Variants in ZNF821 observed in about 807,000 individuals in gnomAD.
ZNF821 encodes zinc finger protein 821.
ZNF821 carries 16 observed loss-of-function variants against 44.3 expected under a neutral mutation model. That is an observed-to-expected ratio of 0.36 (90% CI 0.24 to 0.55). The LOEUF (loss-of-function observed/expected upper bound fraction) is 0.55. Ranked by LOEUF, ZNF821 falls within the 20% of genes least tolerant of loss-of-function variation. The pLI is 0.86. For missense variants in ZNF821, 436 were observed against 547.6 expected (o/e 0.80, Z 2.03); for synonymous variants, 204 against 197.6 (o/e 1.03, Z -0.27).
In ZNF821 at chr16:71,860,036, G is replaced by A; in HGVS notation, c.1221C>T (p.Asn407=). ...GTGTGGTTCAGTGCAGAGAGCTGCT[G>A]TTCTGCTCTTCAAAGGCCATCTTGC... ...LLGKMAFEEQ[N]SSSLH Residue 407 remains asparagine (N), a synonymous_variant, in exon 8 of 8, where the codon AAC becomes AAT. Transcript: ENST00000425432. The surrounding 1 kb of genome is among the most constrained non-coding windows in gnomAD (Gnocchi z 7.3). 6.2e-7 allele frequency: 1 copy of A among 1,609,286 alleles called. No individual in the cohort carries two copies. The highest frequency in any genetic ancestry group is 8.5e-7 in the Non-Finnish European group (1 of 1,177,900).
At chr16:71,886,889 G>GACATT (rs2036859321), upstream of ZNF821, among the ~76,000 whole-genome samples, 1 of 152,156 alleles carries the variant, frequency 6.6e-6, no homozygotes. Context: ...GCCTATTCTG[G>GACATT]ACATTTCATA....
At chr16:71,876,273 G>A (rs576077020) in intron 3 of ZNF821, among the ~76,000 whole-genome samples, 11 of 151,720 alleles carry the variant, frequency 7.3e-5, no homozygotes, top group Middle Eastern at 3.4e-3. Context: ...GCACTATCTC[G>A]GCTCACTGCA....
At chr16:71,884,586 T>A (rs546610684), upstream of ZNF821, 18 of 152,230 alleles carry the variant, frequency 1.2e-4, no homozygotes, top group African/African-American at 4.3e-4. Context: ...CCCACCACCG[T>A]CACAAACCCT....
At chr16:71,878,800 C>T (rs1041497700) in intron 3 of ZNF821, among the ~76,000 whole-genome samples, 3 of 151,732 alleles carry the variant, frequency 2.0e-5, no homozygotes, top group African/African-American at 4.8e-5. Flanking sequence ...GGCATGGTGG[C>T]GAGCACCTTA....
intron 6 of ZNF821, among the ~76,000 whole-genome samples, chr16:71,863,400 T>TA (rs2034144430): frequency 9.4e-6 from 1 of 106,048 alleles, no homozygotes; most frequent in Non-Finnish European, 1.8e-5. Context: ...GAGCAGAATC[T>TA]CTTTTTTTTT....
intron 5 of ZNF821, 106 bp downstream of exon 5, chr16:71,864,797 C>T: frequency 7.0e-7 from 1 of 1,435,752 alleles, no homozygotes; most frequent in Non-Finnish European, 9.6e-7. Context: ...CATGCAGGCC[C>T]AGGAGACCAT....
upstream of ZNF821, among the ~76,000 whole-genome samples, chr16:71,887,969 C>A (rs766461394): frequency 2.0e-5 from 3 of 150,976 alleles, no homozygotes; most frequent in East Asian, 5.9e-4. Context: ...CTCAGGTGAT[C>A]ATCCCACCTC....
chr16:71,879,445 T>G (rs2142463087), intron 3 of ZNF821, among the ~76,000 whole-genome samples: 1 of 152,282 alleles, frequency 6.6e-6, no homozygotes, highest in East Asian at 1.9e-4. Flanking sequence ...ACTGAGCTCT[T>G]TTAACTTCCT....
At position 71,865,016 on chromosome 16, in the gene ZNF821, G is replaced by T; in HGVS notation, c.199C>A (p.Gln67Lys). ...DSEGDEEETT[Q>K]DEVSSHTSEE... Reference sequence around the variant, plus strand: ...GATGTGTGGGAAGAGACTTCATCTTGTGTCGTCTCCTCTTCATCACCCTCA... The same window carrying T: ...GATGTGTGGGAAGAGACTTCATCTTTTGTCGTCTCCTCTTCATCACCCTCA... Residue 67 changes from glutamine to lysine, a missense_variant, in exon 5 of 8, where the codon CAA becomes AAA. By Grantham distance (53) the Gln-to-Lys change is moderately conservative. Coordinates refer to ENST00000425432, the MANE Select transcript of ZNF821 (RefSeq NM_001201552.2). The T allele has an allele frequency of 6.2e-7, 1 of 1,614,164 alleles. No individual in the cohort carries two copies. Among genetic ancestry groups the T allele is most frequent in the Non-Finnish European group, 8.5e-7 (1 of 1,180,022 alleles).
chr16:71,887,727 A>G (rs1355171060), upstream of ZNF821, among the ~76,000 whole-genome samples: 2 of 152,180 alleles, frequency 1.3e-5, no homozygotes, highest in African/African-American at 4.8e-5. Flanking sequence ...ATATAAAGTC[A>G]TATCTCATTG....
intron 1 of ZNF821, among the ~76,000 whole-genome samples, chr16:71,892,572 T>G (rs957667128): frequency 8.7e-6 from 1 of 115,496 alleles, no homozygotes; most frequent in African/African-American, 2.7e-5. Flanking sequence ...CCGGCCAAAA[T>G]TTTTTTTTTT....
Position 71,861,933 on chromosome 16 carries a change from C to G in ZNF821, c.427G>C (p.Ala143Pro). Residue 143 changes from alanine (A) to proline (P), a missense_variant, in exon 7 of 8, where the codon GCA becomes CCA. This residue lies in a region of ZNF821 where 238 missense variants were observed against 281.4 expected (regional missense o/e 0.85). Transcript: ENST00000425432. ...ATGTAGCTCTTGGCGCTCACCACTG[C>G]TGCAGTGTGCTGTAAAACAGAGCCT... ...LIAHVYQHTA[A>P]VVSAKSYMCP... The G allele has an allele frequency of 6.2e-7, 1 of 1,614,174 alleles. No homozygotes were observed. The highest frequency in any genetic ancestry group is 1.1e-5 in the South Asian group (1 of 91,090).
chr16:71,877,981 AT>A (rs1174294167), intron 3 of ZNF821, among the ~76,000 whole-genome samples: 52 of 147,358 alleles, frequency 3.5e-4, no homozygotes, highest in East Asian at 2.7e-3. Flanking sequence ...ATGTATATAT[AT>A]TTTATATATA....
intron 3 of ZNF821, among the ~76,000 whole-genome samples, chr16:71,872,353 C>G (rs1460863512): frequency 6.6e-6 from 1 of 152,078 alleles, no homozygotes; most frequent in Non-Finnish European, 1.5e-5. Context: ...GTGGCTCACG[C>G]CTGTAATCCC....
In ZNF821 at chr16:71,860,343, C is replaced by T; in HGVS notation, c.914G>A (p.Arg305His). ...GTCTGTCTCCTGCATGCGCTGCAAG[C>T]GCTTGGCTTCACGGTCCCTCATGCG... Reference protein sequence around the residue: ...VRRMRDREAKRLQRMQETDEQ... With the variant: ...VRRMRDREAKHLQRMQETDEQ... Residue 305 changes from arginine to histidine, a missense_variant, in exon 8 of 8, where the codon CGC (arginine) becomes CAC (histidine). Physicochemically the swap from Arg to His is conservative, Grantham distance 29. Coordinates refer to ENST00000425432, the MANE Select transcript of ZNF821 (RefSeq NM_001201552.2). This position sits in a 1 kb window ranked among gnomAD's most constrained non-coding sequence, Gnocchi z 7.3. 2 of 1,611,904 alleles carry T rather than the reference C, an allele frequency of 1.2e-6. No individual in the cohort carries two copies. The highest frequency in any genetic ancestry group is 1.7e-6 in the Non-Finnish European group (2 of 1,180,010).
upstream of ZNF821, among the ~76,000 whole-genome samples, chr16:71,886,313 T>C (rs539021131): frequency 1.3e-5 from 2 of 152,326 alleles, no homozygotes; most frequent in Non-Finnish European, 1.5e-5. Flanking sequence ...GATGGTATGA[T>C]GACTTGAGCC....
intron 7 of ZNF821, 118 bp downstream of exon 7, chr16:71,861,658 G>T: frequency 8.3e-7 from 1 of 1,202,638 alleles, no homozygotes. Context: ...GTACTTCCAA[G>T]GAGCATGCAT....
At chr16:71,872,568 A>G (rs1413484940) in intron 3 of ZNF821, among the ~76,000 whole-genome samples, 1 of 152,058 alleles carries the variant, frequency 6.6e-6, no homozygotes, top group Non-Finnish European at 1.5e-5. Context: ...AGCCGAGATC[A>G]CGCCACTGCA....
chr16:71,887,940 C>A (rs907946158), upstream of ZNF821, among the ~76,000 whole-genome samples: 1 of 151,318 alleles, frequency 6.6e-6, no homozygotes, highest in Admixed American at 6.6e-5. Flanking sequence ...CAGCTCACTG[C>A]AGCATTGACC....
Sources: allele counts gnomAD v4.1 joint callset (sites outside exome capture counted in the v4.1 genomes callset), GRCh38; gene constraint gnomAD v4.1.1; regional missense constraint gnomAD v4.1.1; non-coding constraint Gnocchi (gnomAD v3.1); transcripts MANE v1.5; gene names NCBI Gene and HGNC (gene_info 2026-07-23, HGNC 2026-07-21).